NTM: variants seen among roughly 807,000 people sequenced by gnomAD.
NTM encodes the protein IgLON family member 2.
A neutral mutation model predicts 42.1 loss-of-function variants in NTM; 13 were observed. The ratio of observed to expected loss-of-function variants is 0.31; its 90% CI spans 0.20 to 0.49. NTM has a LOEUF of 0.49. Among genes scored for constraint, NTM ranks in the 20% least tolerant of loss-of-function variants. The pLI is 0.99. For missense variants in NTM, 373 were observed against 452.8 expected, an observed-to-expected ratio of 0.82 and a Z score of 1.60; for synonymous variants, 187 against 179.2, an observed-to-expected ratio of 1.04 and a Z score of -0.35.
chr11:131,758,526 T>C (rs902491388), intron 1 of NTM, among the ~76,000 whole-genome samples: 4 of 152,134 alleles, frequency 2.6e-5, no homozygotes, highest in Admixed American at 2.6e-4. Context: ...GTTTTCTGCC[T>C]ATTTTCTTTT....
At chr11:131,840,681 AAT>A (rs2044118750) in intron 1 of NTM, among the ~76,000 whole-genome samples, 2 of 152,282 alleles carry the variant, frequency 1.3e-5, no homozygotes, top group Admixed American at 1.3e-4. Context: ...AAAAATGAAG[AAT>A]GTGTTTATGT....
chr11:131,695,297 T>C (rs1030217356), intron 1 of NTM, among the ~76,000 whole-genome samples: 13 of 152,278 alleles, frequency 8.5e-5, no homozygotes, highest in Admixed American at 4.6e-4. Flanking sequence ...GGTTTTATTG[T>C]GCTTGTCCTA....
At chr11:131,719,638 C>T (rs1326980528) in intron 1 of NTM, among the ~76,000 whole-genome samples, 2 of 152,124 alleles carry the variant, frequency 1.3e-5, no homozygotes, top group African/African-American at 2.4e-5. Context: ...TGTTTCATGC[C>T]TGTGATTCCA....
chr11:132,044,565 C>G (rs576959824), intron 2 of NTM, among the ~76,000 whole-genome samples: 17 of 152,182 alleles, frequency 1.1e-4, no homozygotes, highest in African/African-American at 4.1e-4. Context: ...TTTCCATGTT[C>G]CTGAGGTGGC....
intron 3 of NTM, among the ~76,000 whole-genome samples, chr11:132,170,689 G>A (rs943346822): frequency 1.3e-5 from 2 of 152,134 alleles, no homozygotes; most frequent in Admixed American, 6.5e-5. Context: ...CATTTATAAA[G>A]AACTTGAATA....
At chr11:132,153,716 C>T (rs1292085226) in intron 3 of NTM, among the ~76,000 whole-genome samples, 1 of 152,186 alleles carries the variant, frequency 6.6e-6, no homozygotes, top group Non-Finnish European at 1.5e-5. Flanking sequence ...ATCGAAGACA[C>T]TCTACTGACC....
rs550886475 is a variant in NTM at position 131,858,464 on chromosome 11, T to C, written c.83-53100T>C. On this transcript the variant is annotated intron_variant, in intron 1 of 8. Coordinates refer to ENST00000683400, the MANE Select transcript of NTM (RefSeq NM_001352005.2). ...TATCTCCGTCTTCTACTAAAGAATC[T>C]GGCCAATGTGAGGAGCTCAGTATTT... 7.2e-5 allele frequency among the ~76,000 whole-genome samples: 11 copies of C among 152,336 alleles called. 1 individual carries two copies. Among genetic ancestry groups the C allele is most frequent in the African/African-American group, 2.6e-4 (11 of 41,576 alleles).
chr11:131,478,389 G>A (rs1219276442), intron 1 of NTM, among the ~76,000 whole-genome samples: 1 of 152,172 alleles, frequency 6.6e-6, no homozygotes, highest in Non-Finnish European at 1.5e-5. Context: ...TTGCCTAAGA[G>A]GTAGGTAGCA....
In NTM at chr11:132,216,320, T is replaced by C. The variant is rs1300862133; in HGVS notation, c.526+4173T>C. Reference sequence around the variant, plus strand: ...AAGAGCTTTAAAGACAAGTCTAGGATTCCTACATTGCCACATTCCTGAGAG... The same window carrying C: ...AAGAGCTTTAAAGACAAGTCTAGGACTCCTACATTGCCACATTCCTGAGAG... On this transcript the variant is annotated intron_variant, in intron 4 of 8. Transcript: ENST00000683400. 2.6e-5 allele frequency among the ~76,000 whole-genome samples: 4 copies of C among 152,322 alleles called. No homozygotes were observed. In the East Asian group the frequency reaches 7.7e-4, roughly 29 times the overall value.
chr11:131,681,915 T>C (rs1164339415), intron 1 of NTM, among the ~76,000 whole-genome samples: 1 of 151,082 alleles, frequency 6.6e-6, no homozygotes, highest in Non-Finnish European at 1.5e-5. Flanking sequence ...GTGTGTGTCG[T>C]GTGTGTGTGT....
intron 2 of NTM, among the ~76,000 whole-genome samples, chr11:131,968,722 T>TG (rs1230987066): frequency 6.6e-6 from 1 of 152,220 alleles, no homozygotes; most frequent in African/African-American, 2.4e-5. Context: ...CTAACAGGCA[T>TG]GGGGGTGATA....
intron 4 of NTM, among the ~76,000 whole-genome samples, chr11:132,216,027 A>G (rs975079999): frequency 6.6e-6 from 1 of 152,342 alleles, no homozygotes; most frequent in East Asian, 1.9e-4. Context: ...CCAACTGCCC[A>G]CTGTGCCTGG....
At chr11:132,078,897 T>C (rs557442208) in intron 2 of NTM, among the ~76,000 whole-genome samples, 6 of 152,316 alleles carry the variant, frequency 3.9e-5, no homozygotes, top group African/African-American at 1.4e-4. Flanking sequence ...TTGCCAATTC[T>C]GAATGGGATT....
intron 1 of NTM, among the ~76,000 whole-genome samples, chr11:131,887,862 A>G (rs1347955326): frequency 2.0e-5 from 3 of 152,166 alleles, no homozygotes; most frequent in Non-Finnish European, 4.4e-5. Flanking sequence ...GGCACTTTAT[A>G]TGAAGAAGGT....
At chr11:131,971,321 G>A (rs1446055354) in intron 2 of NTM, among the ~76,000 whole-genome samples, 1 of 152,070 alleles carries the variant, frequency 6.6e-6, no homozygotes, top group Non-Finnish European at 1.5e-5. Flanking sequence ...CTGGTCACTG[G>A]TGTGAGCTCT....
intron 2 of NTM, among the ~76,000 whole-genome samples, chr11:131,943,428 A>G (rs751435945): frequency 2.0e-5 from 3 of 152,342 alleles, no homozygotes; most frequent in South Asian, 2.1e-4. Flanking sequence ...CTGTGCTGCA[A>G]CAAACCTTCG....
At chr11:131,936,309 G>T (rs1044224406) in intron 2 of NTM, among the ~76,000 whole-genome samples, 1 of 152,158 alleles carries the variant, frequency 6.6e-6, no homozygotes, top group Non-Finnish European at 1.5e-5. Flanking sequence ...ACCAGAAGAT[G>T]GAGGTATTAC....
intron 1 of NTM, among the ~76,000 whole-genome samples, chr11:131,391,115 G>C (rs1227180867): frequency 1.3e-5 from 2 of 152,182 alleles, no homozygotes; most frequent in African/African-American, 4.8e-5. Flanking sequence ...AATGTTTTAT[G>C]TGTGATATTT....
At chr11:132,130,415 T>C (rs1334462071) in intron 2 of NTM, among the ~76,000 whole-genome samples, 2 of 152,188 alleles carry the variant, frequency 1.3e-5, no homozygotes, top group Non-Finnish European at 2.9e-5. Context: ...ATTCCCGTGA[T>C]AATTACAATG....
Sources: allele counts gnomAD v4.1 joint callset (sites outside exome capture counted in the v4.1 genomes callset), GRCh38; gene constraint gnomAD v4.1.1; transcripts MANE v1.5; gene names NCBI Gene and HGNC (gene_info 2026-07-23, HGNC 2026-07-21).